Variants in PPM1E observed in about 807,000 individuals in gnomAD.
PPM1E encodes protein phosphatase 1E.
Under a neutral mutation model 65.9 loss-of-function variants are expected in PPM1E, and 20 were observed. That is an observed-to-expected ratio of 0.30 (90% CI 0.21 to 0.44). The LOEUF (loss-of-function observed/expected upper bound fraction) is 0.44. Among genes scored for constraint, PPM1E ranks in the 20% least tolerant of loss-of-function variants. The probability of loss-of-function intolerance (pLI) is 1.00; values close to 1 mark genes in which losing one functional copy is unlikely to be tolerated. For synonymous variants in PPM1E, 352 were observed against 374.9 expected, an observed-to-expected ratio of 0.94 and a Z score of 0.70; for missense variants, 713 against 953.1, an observed-to-expected ratio of 0.75 and a Z score of 3.32.
At chr17:58,927,359 C>T (rs1412986914) in intron 1 of PPM1E, among the ~76,000 whole-genome samples, 1 of 151,864 alleles carries the variant, frequency 6.6e-6, no homozygotes, top group Non-Finnish European at 1.5e-5. Context: ...TCTCCATCTC[C>T]TGCCTCATGA....
At chr17:58,849,483 A>T (rs1420063985) in intron 1 of PPM1E, among the ~76,000 whole-genome samples, 2 of 152,100 alleles carry the variant, frequency 1.3e-5, no homozygotes, top group African/African-American at 4.8e-5. Context: ...GTTTGTTCTC[A>T]TTGGTTTCAA....
At chr17:58,923,911 CTTTTTTTT>C (rs751578623) in intron 1 of PPM1E, among the ~76,000 whole-genome samples, 11 of 64,812 alleles carry the variant, frequency 1.7e-4, no homozygotes, top group African/African-American at 7.1e-4. Flanking sequence ...AAGACCCCCT[CTTTTTTTT>C]TTTTTTTTTT....
chr17:58,937,922 CAAAT>C (rs372708827), intron 1 of PPM1E, among the ~76,000 whole-genome samples: 57 of 134,556 alleles, frequency 4.2e-4, no homozygotes, highest in African/African-American at 1.4e-3. Flanking sequence ...AGAAAGAAAA[CAAAT>C]AATACAAAAT....
intron 1 of PPM1E, among the ~76,000 whole-genome samples, chr17:58,777,117 A>G (rs2050001551): frequency 2.6e-5 from 4 of 152,082 alleles, no homozygotes; most frequent in Non-Finnish European, 5.9e-5. Context: ...TCCTAGCTAC[A>G]TGGCAGGCTG....
At chr17:58,929,628 T>C (rs2051867181) in intron 1 of PPM1E, among the ~76,000 whole-genome samples, 1 of 152,238 alleles carries the variant, frequency 6.6e-6, no homozygotes, top group Non-Finnish European at 1.5e-5. Context: ...GAATGTTTAC[T>C]GTAAAATCAT....
rs201186780 is a variant in PPM1E at position 58,756,096 on chromosome 17, GGAACCC to G, written c.126_131del (p.Pro43_Glu44del). The G allele has an allele frequency of 2.9e-4, 470 of 1,597,708 alleles. No homozygotes were observed. The highest frequency in any genetic ancestry group is 1.1e-3 in the East Asian group (49 of 44,282). ...CGTGCGGCGGCGGCGAGCCGGAGCCGGAACCCGAACCCGAACCCGAACCCGAACCCG... is the reference window on the plus strand; with the variant it reads ...CGTGCGGCGGCGGCGAGCCGGAGCCGGAACCCGAACCCGAACCCGAACCCG... On this transcript the variant is annotated inframe_deletion, in exon 1 of 7. Transcript: ENST00000308249.
intron 1 of PPM1E, among the ~76,000 whole-genome samples, chr17:58,924,356 ATTAT>A (rs1404709042): frequency 6.6e-6 from 1 of 152,140 alleles, no homozygotes; most frequent in Non-Finnish European, 1.5e-5. Context: ...TTTCTTTAAA[ATTAT>A]TTATTTGTCT....
chr17:58,787,134 T>A (rs2050108094), intron 1 of PPM1E, among the ~76,000 whole-genome samples: 1 of 152,210 alleles, frequency 6.6e-6, no homozygotes, highest in Admixed American at 6.5e-5. Context: ...CTTACTCAAA[T>A]TCTATTAGAT....
At chr17:58,918,290 T>C (rs2051708368) in intron 1 of PPM1E, among the ~76,000 whole-genome samples, 1 of 152,194 alleles carries the variant, frequency 6.6e-6, no homozygotes, top group African/African-American at 2.4e-5. Context: ...TATTTAAAAA[T>C]AGTTCCTTCA....
At chr17:58,818,578 T>C (rs999758763) in intron 1 of PPM1E, among the ~76,000 whole-genome samples, 4 of 152,318 alleles carry the variant, frequency 2.6e-5, no homozygotes, top group Middle Eastern at 3.4e-3. Flanking sequence ...CTTTACTTAG[T>C]GTAAACTTTT....
rs1177084350 is a variant in PPM1E, at chr17:58,782,508, T to A, written c.464+26047T>A. Among the ~76,000 whole-genome samples the A allele has an allele frequency of 2.0e-5, 3 of 151,954 alleles. No individual in the cohort carries two copies. The East Asian group carries it at 5.8e-4, about 29-fold the overall frequency. ...AGTCTGCCTCCCAGGTTCAAGTGAT[T>A]TTCCTGCCTCAGCCTCCCAAGTAGC... is the stretch of plus-strand genomic sequence containing the variant. On this transcript the variant is annotated intron_variant, in intron 1 of 6. Transcript: ENST00000308249.
intron 1 of PPM1E, among the ~76,000 whole-genome samples, chr17:58,900,697 A>G (rs896031135): frequency 5.3e-5 from 8 of 152,108 alleles, no homozygotes; most frequent in African/African-American, 1.2e-4. Context: ...TGCCTGTACT[A>G]TAGTTTCTTT....
chr17:58,802,694 GTCT>G (rs978564289), intron 1 of PPM1E, among the ~76,000 whole-genome samples: 12 of 151,928 alleles, frequency 7.9e-5, no homozygotes, highest in African/African-American at 2.7e-4. Context: ...ATTTATTTGT[GTCT>G]TCAATTTTTT....
At chr17:58,888,995 T>C (rs1474483361) in intron 1 of PPM1E, among the ~76,000 whole-genome samples, 3 of 152,216 alleles carry the variant, frequency 2.0e-5, no homozygotes, top group Non-Finnish European at 4.4e-5. Flanking sequence ...TTCTTTAATT[T>C]TCTCTATTTT....
intron 1 of PPM1E, among the ~76,000 whole-genome samples, chr17:58,862,254 C>T (rs1490260349): frequency 1.3e-5 from 2 of 152,162 alleles, no homozygotes; most frequent in Non-Finnish European, 2.9e-5. Context: ...TTTTAAGAGC[C>T]TCAGTTAATT....
intron 1 of PPM1E, among the ~76,000 whole-genome samples, chr17:58,771,132 G>C (rs1598560072): frequency 6.6e-6 from 1 of 151,812 alleles, no homozygotes; most frequent in Non-Finnish European, 1.5e-5. Flanking sequence ...TGGGATTACA[G>C]GCGTGAGCCA....
chr17:58,927,354 A>G (rs2051836415), intron 1 of PPM1E, among the ~76,000 whole-genome samples: 1 of 151,788 alleles, frequency 6.6e-6, no homozygotes, highest in Admixed American at 6.6e-5. Context: ...GATGGTCTCC[A>G]TCTCCTGCCT....
chr17:58,820,597 G>A lies in PPM1E; in HGVS notation c.464+64136G>A, dbSNP rs118018585. 1.2e-3 allele frequency among the ~76,000 whole-genome samples: 181 copies of A among 152,262 alleles called. 2 individuals are homozygous for A. In the East Asian group the frequency reaches 0.015, roughly 13 times the overall value. ...TATTGGACCTACAAATAGGAGATATGTGTATAAATGACTTTAAAACACTGA... is the reference window on the plus strand; with the variant it reads ...TATTGGACCTACAAATAGGAGATATATGTATAAATGACTTTAAAACACTGA... On this transcript the variant is annotated intron_variant, in intron 1 of 6. Coordinates refer to ENST00000308249, the MANE Select transcript of PPM1E (RefSeq NM_014906.5).
chr17:58,979,919 T>A lies in PPM1E; in HGVS notation c.1211-55T>A, dbSNP rs891929811. 7 of 1,420,580 alleles carry A rather than the reference T, an allele frequency of 4.9e-6. No individual in the cohort carries two copies. The African/African-American group carries it at 8.5e-5, about 17-fold the overall frequency. 88.0% of individuals were successfully genotyped at this position (1,420,580 alleles called of 1,614,324 possible). ...TCATGGCATTGGTCATAAACGTTCTTAGCATGCAAGGTAAAACAAATGCTA... is the reference window on the plus strand; with the variant it reads ...TCATGGCATTGGTCATAAACGTTCTAAGCATGCAAGGTAAAACAAATGCTA... On this transcript the variant is annotated intron_variant, in intron 6 of 6. Transcript: ENST00000308249.
Sources: gnomAD v4.1 joint callset for allele counts (sites outside exome capture counted in the v4.1 genomes callset) on GRCh38, gnomAD v4.1.1 for gene constraint, MANE v1.5 for transcripts, NCBI Gene and HGNC (gene_info 2026-07-23, HGNC 2026-07-21) for gene names.